GABRB3: variants seen among roughly 807,000 people sequenced by gnomAD.
The protein encoded by GABRB3 is gamma-aminobutyric acid receptor subunit beta-3.
GABRB3 carries 14 observed loss-of-function variants against 52.1 expected under a neutral mutation model. The observed-to-expected ratio is 0.27, with a 90% CI of 0.18 to 0.42. The LOEUF is 0.42. Among genes scored for constraint, GABRB3 ranks in the 10% least tolerant of loss-of-function variants. The pLI is 1.00. For missense variants in GABRB3, 307 were observed against 609.1 expected (o/e 0.50, Z 5.22); for synonymous variants, 260 against 232.3 (o/e 1.12, Z -1.08).
rs79917963 is a variant in GABRB3, at chr15:26,567,736, A to G, written c.683-3T>C. 1 of 1,613,840 alleles carries G rather than the reference A, an allele frequency of 6.2e-7. No homozygotes were observed. Among genetic ancestry groups the G allele is most frequent in the Non-Finnish European group, 8.5e-7 (1 of 1,179,960 alleles). On this transcript the variant is annotated splice_polypyrimidine_tract_variant and splice_region_variant and intron_variant, in intron 6 of 8. Coordinates refer to ENST00000311550, the MANE Select transcript of GABRB3 (RefSeq NM_000814.6). ...CAGTGACAGTCGAGGATAGGCACCT[A>G]TGGGAAACAGACAAGGATATTACAC...
intron 6 of GABRB3, 100 bp from the exon 7 acceptor site, chr15:26,567,833 C>T: frequency 8.2e-7 from 1 of 1,218,284 alleles, no homozygotes; most frequent in South Asian, 1.2e-5. Flanking sequence ...ATGGAAAAGT[C>T]TGCGAATAAA....
At chr15:26,556,794 G>A (rs2140669254) in intron 8 of GABRB3, among the ~76,000 whole-genome samples, 1 of 152,170 alleles carries the variant, frequency 6.6e-6, no homozygotes, top group East Asian at 1.9e-4. Context: ...CCAAGAGGCA[G>A]TTGCTGGTGG....
At chr15:26,727,695 C>A (rs907040222) in intron 3 of GABRB3, among the ~76,000 whole-genome samples, 1 of 152,196 alleles carries the variant, frequency 6.6e-6, no homozygotes, top group Non-Finnish European at 1.5e-5. Context: ...GTAGCCAGAG[C>A]TGGGACCTCT....
chr15:26,548,016 A>T lies in GABRB3; in HGVS notation c.1199T>A (p.Ile400Asn). 6.2e-7 allele frequency: 1 copy of T among 1,614,130 alleles called. No individual in the cohort carries two copies. The highest frequency in any genetic ancestry group is 8.5e-7 in the Non-Finnish European group (1 of 1,180,044). Residue 400 changes from isoleucine (I) to asparagine (N), a missense_variant, in exon 9 of 9, where the codon ATC becomes AAC. By Grantham distance (149) the Ile-to-Asn change is moderately radical. Around this residue, in one of 6 missense-constraint regions of GABRB3, gnomAD observed 115 missense variants for 166.9 expected, o/e 0.69. Transcript: ENST00000311550. The stretch of plus-strand genomic sequence containing the variant: ...AGGCATGCTCTGTTTCCTGTACTGG[A>T]TTCCTGAGTTGTCAAAGGATATTGC... ...NSAISFDNSG[I>N]QYRKQSMPRE...
intron 6 of GABRB3, among the ~76,000 whole-genome samples, chr15:26,572,847 G>C (rs189175305): frequency 1.5e-4 from 23 of 152,336 alleles, no homozygotes; most frequent in Admixed American, 1.5e-3. Flanking sequence ...CTGGGCACAA[G>C]TGCATTGTTC....
At position 26,561,256 on chromosome 15, in the gene GABRB3, C is replaced by T. The variant is rs887014373; in HGVS notation, c.836-80G>A. 74 of 1,593,262 alleles carry T rather than the reference C, an allele frequency of 4.6e-5. No homozygotes were observed. The African/African-American group carries it at 9.0e-4, about 19-fold the overall frequency. On this transcript the variant is annotated intron_variant, in intron 7 of 8. Transcript: ENST00000311550. ...TTTTCACTTTCCTTTTATGTTTTCT[C>T]AAACAGCTTTAAGTAGTCAGAGATA...
chr15:26,609,103 TACACACACACACACAC>T (rs79471574), intron 4 of GABRB3, among the ~76,000 whole-genome samples: 33 of 143,372 alleles, frequency 2.3e-4, no homozygotes, highest in Non-Finnish European at 2.4e-4. Flanking sequence ...CACACACACA[TACACACACACACACAC>T]ACACACACAC....
chr15:26,747,200 G>A (rs1362598271), intron 3 of GABRB3, among the ~76,000 whole-genome samples: 1 of 152,146 alleles, frequency 6.6e-6, no homozygotes, highest in Non-Finnish European at 1.5e-5. Context: ...TCAGACTTCA[G>A]TATAAATCCC....
intron 3 of GABRB3, chr15:26,629,313 G>T: frequency 1.4e-6 from 1 of 699,290 alleles, no homozygotes; most frequent in Non-Finnish European, 2.2e-6. Flanking sequence ...GAAAAGGCGT[G>T]GCCCAGCTCA....
intron 3 of GABRB3, among the ~76,000 whole-genome samples, chr15:26,751,199 G>T (rs2140171780): frequency 6.6e-6 from 1 of 152,308 alleles, no homozygotes; most frequent in African/African-American, 2.4e-5. Context: ...GGTTTCTGAT[G>T]ATAAGGCTAT....
chr15:26,634,867 C>T (rs1893004369), intron 3 of GABRB3, among the ~76,000 whole-genome samples: 1 of 147,838 alleles, frequency 6.8e-6, no homozygotes, highest in Non-Finnish European at 1.5e-5. Context: ...CACATATATA[C>T]ACACATATTT....
At chr15:26,727,678 C>T (rs1004670569) in intron 3 of GABRB3, among the ~76,000 whole-genome samples, 1 of 152,170 alleles carries the variant, frequency 6.6e-6, no homozygotes, top group African/African-American at 2.4e-5. Context: ...GCTTCTCAGC[C>T]ATCGCTGTAG....
At chr15:26,561,220 T>C (rs189724993) in intron 7 of GABRB3, 44 bp from the exon 8 acceptor site, 64 of 1,610,226 alleles carry the variant, frequency 4.0e-5, no homozygotes, top group East Asian at 8.9e-5. Flanking sequence ...CTTTGCCACA[T>C]TGGTCTTCAC....
At chr15:26,604,374 T>C (rs988597542) in intron 4 of GABRB3, among the ~76,000 whole-genome samples, 1 of 152,154 alleles carries the variant, frequency 6.6e-6, no homozygotes, top group East Asian at 1.9e-4. Flanking sequence ...GTAATCTCTA[T>C]TGAAATACCA....
At chr15:26,629,192 T>G in intron 3 of GABRB3, 1 of 1,456,750 alleles carries the variant, frequency 6.9e-7, no homozygotes, top group Non-Finnish European at 9.1e-7. Context: ...ACGGAGGGCT[T>G]TGCGAAGCGG....
intron 3 of GABRB3, among the ~76,000 whole-genome samples, chr15:26,707,569 A>G (rs1889145118): frequency 6.6e-6 from 1 of 152,202 alleles, no homozygotes; most frequent in African/African-American, 2.4e-5. Context: ...GTCCAGGAAG[A>G]AGAGGATGCA....
At chr15:26,619,913 C>T (rs200104078) in intron 4 of GABRB3, among the ~76,000 whole-genome samples, 1 of 111,484 alleles carries the variant, frequency 9.0e-6, no homozygotes, top group Non-Finnish European at 1.9e-5. Flanking sequence ...ACACACAAAC[C>T]CAACACACAC....
intron 3 of GABRB3, among the ~76,000 whole-genome samples, chr15:26,729,405 T>C (rs1172800243): frequency 2.0e-5 from 3 of 152,118 alleles, no homozygotes; most frequent in Non-Finnish European, 4.4e-5. Context: ...GGGAGGACTC[T>C]GGTGCCTTTA....
At chr15:26,714,549 G>A (rs1391590053) in intron 3 of GABRB3, among the ~76,000 whole-genome samples, 2 of 152,210 alleles carry the variant, frequency 1.3e-5, no homozygotes, top group African/African-American at 2.4e-5. Context: ...GTGGGGCGGG[G>A]CTTCCAGGTC....
Sources: gnomAD v4.1 joint callset for allele counts (sites outside exome capture counted in the v4.1 genomes callset) on GRCh38, gnomAD v4.1.1 for gene constraint, gnomAD v4.1.1 regional missense constraint, MANE v1.5 for transcripts, NCBI Gene and HGNC (gene_info 2026-07-23, HGNC 2026-07-21) for gene names.